IPO11: variants seen among roughly 807,000 people sequenced by gnomAD.
The protein encoded by IPO11 is importin-11.
IPO11 carries 66 observed loss-of-function variants against 143.2 expected under a neutral mutation model. The observed-to-expected ratio is 0.46, with a 90% CI of 0.38 to 0.57. The LOEUF (loss-of-function observed/expected upper bound fraction) is 0.57. Among genes scored for constraint, IPO11 ranks in the 20% least tolerant of loss-of-function variants. The pLI is 0.00. For missense variants in IPO11, 1,026 were observed against 1,141.0 expected, an observed-to-expected ratio of 0.90 and a Z score of 1.45; for synonymous variants, 385 against 377.8, an observed-to-expected ratio of 1.02 and a Z score of -0.22.
intron 1 of IPO11, among the ~76,000 whole-genome samples, chr5:62,432,679 C>A (rs1744035288): frequency 6.6e-6 from 1 of 152,120 alleles, no homozygotes; most frequent in African/African-American, 2.4e-5. Flanking sequence ...GGGTTGTATC[C>A]CTGAGGAGAG....
chr5:62,622,230 G>A (rs1467637091), intron 29 of IPO11, among the ~76,000 whole-genome samples: 1 of 152,028 alleles, frequency 6.6e-6, no homozygotes, highest in Non-Finnish European at 1.5e-5. Context: ...GATCACTTGG[G>A]GAGCTTTTAA....
At chr5:62,579,338 T>C (rs1274380581) in intron 27 of IPO11, 1 of 1,029,790 alleles carries the variant, frequency 9.7e-7, no homozygotes, top group Non-Finnish European at 1.5e-6. Flanking sequence ...AGTTATAGTA[T>C]TATAAAAAAA....
chr5:62,475,521 A>G (rs533599235), intron 8 of IPO11, among the ~76,000 whole-genome samples: 1 of 152,158 alleles, frequency 6.6e-6, no homozygotes, highest in South Asian at 2.1e-4. Flanking sequence ...AGAAAAAAAA[A>G]TTCTATTTTG....
At chr5:62,482,791 C>T (rs954873233) in intron 9 of IPO11, among the ~76,000 whole-genome samples, 1 of 152,044 alleles carries the variant, frequency 6.6e-6, no homozygotes, top group African/African-American at 2.4e-5. Flanking sequence ...TTTTAAAGGT[C>T]TATTGTATAT....
chr5:62,458,478 T>G (rs889687905), intron 5 of IPO11, among the ~76,000 whole-genome samples: 1 of 152,150 alleles, frequency 6.6e-6, no homozygotes. Flanking sequence ...TTTTTGTACT[T>G]TTAGTAGGGA....
At chr5:62,456,604 G>A (rs1027897207) in intron 5 of IPO11, among the ~76,000 whole-genome samples, 6 of 152,318 alleles carry the variant, frequency 3.9e-5, no homozygotes, top group East Asian at 3.9e-4. Context: ...CCACAGGCAC[G>A]TACGACGATG....
intron 5 of IPO11, among the ~76,000 whole-genome samples, chr5:62,456,099 G>C (rs1378953897): frequency 6.6e-6 from 1 of 151,754 alleles, no homozygotes; most frequent in Non-Finnish European, 1.5e-5. Context: ...CACGACCTTG[G>C]CTCACTGTAA....
chr5:62,418,412 T>TA (rs1743378265), intron 1 of IPO11, among the ~76,000 whole-genome samples: 1 of 152,082 alleles, frequency 6.6e-6, no homozygotes, highest in South Asian at 2.1e-4. Context: ...CTCGGCCTTC[T>TA]AAAGTATTGG....
chr5:62,440,855 C>T (rs1286517705), intron 2 of IPO11, among the ~76,000 whole-genome samples: 16 of 151,322 alleles, frequency 1.1e-4, no homozygotes, highest in African/African-American at 3.9e-4. Flanking sequence ...CCCAGCTATT[C>T]GGGAGGTTGA....
chr5:62,494,920 C>T (rs1019045593), intron 16 of IPO11, among the ~76,000 whole-genome samples: 1 of 152,010 alleles, frequency 6.6e-6, no homozygotes, highest in Non-Finnish European at 1.5e-5. Flanking sequence ...CTTTACCCCC[C>T]CAAATTTTAT....
At chr5:62,508,460 TTGA>T (rs1322251508) in intron 19 of IPO11, among the ~76,000 whole-genome samples, 3 of 152,138 alleles carry the variant, frequency 2.0e-5, no homozygotes, top group Non-Finnish European at 4.4e-5. Context: ...AATTATCTTT[TTGA>T]TATTAGGCAG....
intron 5 of IPO11, among the ~76,000 whole-genome samples, chr5:62,452,723 G>GGTGT (rs57057274): frequency 0.011 from 1,495 of 135,416 alleles, 14 homozygotes; most frequent in Middle Eastern, 0.04. Flanking sequence ...TTTTTGGTGG[G>GGTGT]GTGTGTGTGT....
In IPO11 at chr5:62,530,853, A is replaced by G. The variant is rs966797384; in HGVS notation, c.2089+68A>G. On this transcript the variant is annotated intron_variant, in intron 22 of 29. Transcript: ENST00000325324. ...CCATAATTGGGAGGCATTGAAACATAATTTGGAGGCATTACAACAAAGTTG... is the reference window on the plus strand; with the variant it reads ...CCATAATTGGGAGGCATTGAAACATGATTTGGAGGCATTACAACAAAGTTG... 7.6e-6 allele frequency: 9 copies of G among 1,191,026 alleles called. No individual in the cohort carries two copies. The African/African-American group carries it at 9.0e-5, about 12-fold the overall frequency. The allele number at this position is 1,191,026 out of a possible 1,614,324, so 73.8% of individuals were successfully genotyped here.
intron 1 of IPO11, among the ~76,000 whole-genome samples, chr5:62,415,975 T>C (rs1743282651): frequency 6.6e-6 from 1 of 152,110 alleles, no homozygotes; most frequent in Non-Finnish European, 1.5e-5. Context: ...ACAAAATACC[T>C]TATATTGGGT....
rs564943739 is a variant in IPO11, at chr5:62,527,372, A to C, written c.2012+1115A>C. Among the ~76,000 whole-genome samples the C allele has an allele frequency of 1.9e-3, 288 of 152,322 alleles. 6 individuals carry two copies. The highest frequency in any genetic ancestry group is 1.4e-3 in the Non-Finnish European group (93 of 68,036). On this transcript the variant is annotated intron_variant, in intron 21 of 29. Coordinates refer to ENST00000325324, the MANE Select transcript of IPO11 (RefSeq NM_016338.5). ...TTGACTCTGCTGTCAGTGTCAAAAC[A>C]GTCATAGACAATATGTAAGTAGGTA...
intron 4 of IPO11, among the ~76,000 whole-genome samples, chr5:62,450,940 AC>A (rs1211691525): frequency 6.6e-6 from 1 of 152,120 alleles, no homozygotes; most frequent in African/African-American, 2.4e-5. Context: ...TTTTATTTTG[AC>A]CTGTTTAAAT....
At chr5:62,469,517 T>A (rs1745693434) in intron 6 of IPO11, among the ~76,000 whole-genome samples, 1 of 152,190 alleles carries the variant, frequency 6.6e-6, no homozygotes, top group South Asian at 2.1e-4. Context: ...AACTTTTAAT[T>A]TTGTCTCTTA....
intron 5 of IPO11, among the ~76,000 whole-genome samples, chr5:62,465,201 T>G (rs986877629): frequency 1.1e-4 from 16 of 152,236 alleles, no homozygotes; most frequent in Non-Finnish European, 2.1e-4. Flanking sequence ...CTGTTCGTAT[T>G]CTTTCACTTT....
At chr5:62,428,085 T>C (rs534827784) in intron 1 of IPO11, among the ~76,000 whole-genome samples, 1 of 152,364 alleles carries the variant, frequency 6.6e-6, no homozygotes, top group South Asian at 2.1e-4. Flanking sequence ...TACACACTAG[T>C]ATCTTTGGAA....
Sources: allele counts gnomAD v4.1 joint callset (sites outside exome capture counted in the v4.1 genomes callset), GRCh38; gene constraint gnomAD v4.1.1; transcripts MANE v1.5; gene names NCBI Gene and HGNC (gene_info 2026-07-23, HGNC 2026-07-21).